TAF1B: variants seen among roughly 807,000 people sequenced by gnomAD.
The protein encoded by TAF1B is TATA-box binding protein associated factor, RNA polymerase I subunit B, also known as TATA box-binding protein-associated factor RNA polymerase I subunit B.
A neutral mutation model predicts 83.9 loss-of-function variants in TAF1B; 61 were observed. The ratio of observed to expected loss-of-function variants is 0.73; its 90% confidence interval spans 0.59 to 0.90. The LOEUF (loss-of-function observed/expected upper bound fraction) is 0.90, where lower values mean the gene tolerates loss of function less well. Among genes scored for constraint, TAF1B ranks in the 40% least tolerant of loss-of-function variants. TAF1B has a pLI of 0.00. For missense variants in TAF1B, 625 were observed against 677.0 expected (o/e 0.92, Z 0.85); for synonymous variants, 221 against 224.6 (o/e 0.98, Z 0.14).
intron 5 of TAF1B, among the ~76,000 whole-genome samples, chr2:9,866,225 C>G (rs1663971034): frequency 6.6e-6 from 1 of 151,994 alleles, no homozygotes; most frequent in African/African-American, 2.4e-5. Context: ...ACAATGAACT[C>G]AAACAAATTT....
At chr2:9,891,023 C>T (rs1480097013) in intron 8 of TAF1B, among the ~76,000 whole-genome samples, 1 of 152,262 alleles carries the variant, frequency 6.6e-6, no homozygotes, top group Non-Finnish European at 1.5e-5. Context: ...CCACCCGCCT[C>T]AGCCTCCCCA....
chr2:9,851,871 A>C, intron 4 of TAF1B: 1 of 639,742 alleles, frequency 1.6e-6, no homozygotes, highest in Admixed American at 2.2e-5. Context: ...TAGTCTTCAG[A>C]TACTTAGGAA....
chr2:9,902,366 C>T (rs774328366), intron 8 of TAF1B, among the ~76,000 whole-genome samples: 2 of 152,090 alleles, frequency 1.3e-5, no homozygotes, highest in Non-Finnish European at 2.9e-5. Context: ...GAAGCGTTAC[C>T]AGCACCCCAG....
chr2:9,878,507 A>G (rs1179303089), intron 7 of TAF1B, among the ~76,000 whole-genome samples: 4 of 152,144 alleles, frequency 2.6e-5, no homozygotes. Context: ...ACATACCTTA[A>G]CACTGTGCAT....
rs567847198 is a variant in TAF1B at position 9,927,887 on chromosome 2, T to G, written c.1566-5896T>G. Among the ~76,000 whole-genome samples, 6 of 152,368 alleles carry G rather than the reference T, an allele frequency of 3.9e-5. 1 individual carries two copies. The South Asian group carries it at 1.2e-3, about 32-fold the overall frequency. On this transcript the variant is annotated intron_variant, in intron 14 of 14. Coordinates refer to ENST00000263663, the MANE Select transcript of TAF1B (RefSeq NM_005680.3). ...GTTTAATTAGGTCCCATTTGTCTAT[T>G]TTGGCTTTTGTTGCCATTGCTTTTG...
At chr2:9,886,512 TA>T (rs1465899015) in intron 8 of TAF1B, among the ~76,000 whole-genome samples, 1 of 152,248 alleles carries the variant, frequency 6.6e-6, no homozygotes, top group Admixed American at 6.5e-5. Context: ...AAATGGTATC[TA>T]ACCAGTAATT....
At chr2:9,910,675 T>G (rs1665500246) in intron 9 of TAF1B, 61 bp from the exon 10 acceptor site, 1 of 1,453,120 alleles carries the variant, frequency 6.9e-7, no homozygotes, top group East Asian at 2.3e-5. Context: ...ATTTTATGGA[T>G]ATATACATTG....
At position 9,932,015 on chromosome 2, in the gene TAF1B, T is replaced by A. The variant is rs369818035; in HGVS notation, c.1566-1768T>A. Among the ~76,000 whole-genome samples the A allele has an allele frequency of 3.0e-4, 45 of 152,362 alleles. No individual in the cohort carries two copies. In the East Asian group the frequency reaches 7.7e-3, roughly 26 times the overall value. On this transcript the variant is annotated intron_variant, in intron 14 of 14. Coordinates refer to ENST00000263663, the MANE Select transcript of TAF1B (RefSeq NM_005680.3). ...TCTCATGCCATGGTTTTCAGCTCCA[T>A]CAGATCATTTAAGGTCTTCTCTACG... is the stretch of plus-strand genomic sequence containing the variant.
intron 4 of TAF1B, among the ~76,000 whole-genome samples, chr2:9,852,526 C>T (rs1663428631): frequency 6.6e-6 from 1 of 152,046 alleles, no homozygotes; most frequent in Admixed American, 6.5e-5. Flanking sequence ...GAGTCTCGCT[C>T]TGTTGCCCAG....
At chr2:9,929,073 C>T (rs1572297154) in intron 14 of TAF1B, among the ~76,000 whole-genome samples, 1 of 152,118 alleles carries the variant, frequency 6.6e-6, no homozygotes, top group East Asian at 1.9e-4. Flanking sequence ...GCATGAAGGG[C>T]TGTTGAATTT....
At chr2:9,889,630 G>A (rs182382771) in intron 8 of TAF1B, among the ~76,000 whole-genome samples, 23 of 152,110 alleles carry the variant, frequency 1.5e-4, no homozygotes, top group African/African-American at 4.8e-4. Flanking sequence ...TGCATGACTG[G>A]TAATTTTTTT....
At chr2:9,872,426 G>T (rs1002457586) in intron 6 of TAF1B, among the ~76,000 whole-genome samples, 2 of 152,014 alleles carry the variant, frequency 1.3e-5, no homozygotes, top group African/African-American at 4.8e-5. Flanking sequence ...GTTTCTAGGG[G>T]TATGAGTTTC....
chr2:9,919,151 C>T (rs1334471373), intron 13 of TAF1B, 40 bp downstream of exon 13: 2 of 1,520,560 alleles, frequency 1.3e-6, no homozygotes, highest in African/African-American at 1.4e-5. Context: ...AGTAGCAACA[C>T]AGTTGTAGAA....
chr2:9,926,787 G>A (rs10194295), intron 14 of TAF1B, among the ~76,000 whole-genome samples: 35,587 of 145,696 alleles, frequency 0.24, 6,130 homozygotes, highest in African/African-American at 0.5. Flanking sequence ...TGCAGTCAGC[G>A]GGGTGAGACT....
Position 9,904,879 on chromosome 2 carries a change from C to A in TAF1B, c.828C>A (p.Asp276Glu). 6.2e-7 allele frequency: 1 copy of A among 1,610,742 alleles called. No homozygotes were observed. The highest frequency in any genetic ancestry group is 8.5e-7 in the Non-Finnish European group (1 of 1,177,088). The change falls in exon 9 of 15, where the codon GAC becomes GAA. Residue 276 changes from aspartate to glutamate, a missense_variant. Coordinates refer to ENST00000263663, the MANE Select transcript of TAF1B (RefSeq NM_005680.3). ...FGIESWPDYE[D>E]IYKKTVEVGT... Reference sequence around the variant, plus strand: ...TTCAGTCTTGGCCTGACTACGAGGACATCTACAAAAAAACAGTAGAAGTTG... The same window carrying A: ...TTCAGTCTTGGCCTGACTACGAGGAAATCTACAAAAAAACAGTAGAAGTTG...
At chr2:9,899,502 ATTTGGG>A (rs1665117583) in intron 8 of TAF1B, among the ~76,000 whole-genome samples, 1 of 152,166 alleles carries the variant, frequency 6.6e-6, no homozygotes, top group Non-Finnish European at 1.5e-5. Context: ...ATTGGTGTAC[ATTTGGG>A]TCGTTTCTAC....
intron 14 of TAF1B, among the ~76,000 whole-genome samples, chr2:9,923,525 C>G (rs1665940703): frequency 6.6e-6 from 1 of 151,850 alleles, no homozygotes; most frequent in Non-Finnish European, 1.5e-5. Context: ...ACTAAAAATA[C>G]AAAATTAGCT....
In TAF1B at chr2:9,851,703, A is replaced by G. The variant is rs1159213620; in HGVS notation, c.303+65A>G. The G allele has an allele frequency of 5.2e-5, 67 of 1,285,644 alleles. 1 individual carries two copies. The South Asian group carries it at 8.7e-4, about 17-fold the overall frequency. 79.6% of individuals were successfully genotyped at this position (1,285,644 alleles called of 1,614,324 possible). On this transcript the variant is annotated intron_variant, in intron 4 of 14. Transcript: ENST00000263663. ...TTGTTTAAAGAACAGTAAGACTTAT[A>G]GTGGAACTAAGGAGAAATCAGTAGT...
intron 14 of TAF1B, among the ~76,000 whole-genome samples, chr2:9,921,909 T>C (rs1572289137): frequency 6.6e-6 from 1 of 152,228 alleles, no homozygotes; most frequent in Non-Finnish European, 1.5e-5. Flanking sequence ...ACTTTGAAGT[T>C]ACTTTACCTT....
Sources: gnomAD v4.1 joint callset for allele counts (sites outside exome capture counted in the v4.1 genomes callset) on GRCh38, gnomAD v4.1.1 for gene constraint, MANE v1.5 for transcripts, NCBI Gene and HGNC (gene_info 2026-07-23, HGNC 2026-07-21) for gene names.